Variants in DAB1 observed in about 807,000 individuals in gnomAD.
DAB1 encodes DAB adaptor protein 1.
Under a neutral mutation model 64.6 loss-of-function variants are expected in DAB1, and 15 were observed. The ratio of observed to expected loss-of-function variants is 0.23; its 90% CI spans 0.16 to 0.36. The LOEUF (loss-of-function observed/expected upper bound fraction) is 0.36. DAB1 is among the 10% of genes least tolerant of loss of function. DAB1 has a pLI of 1.00. For missense variants in DAB1, 596 were observed against 706.7 expected, an observed-to-expected ratio of 0.84 and a Z score of 1.78; for synonymous variants, 235 against 251.9, an observed-to-expected ratio of 0.93 and a Z score of 0.64.
intron 1 of DAB1, among the ~76,000 whole-genome samples, chr1:57,828,442 G>A (rs560612147): frequency 6.6e-6 from 1 of 152,176 alleles, no homozygotes; most frequent in Admixed American, 6.5e-5. Flanking sequence ...AGTAATCTTG[G>A]GGACTGAGAG....
intron 7 of DAB1, among the ~76,000 whole-genome samples, chr1:57,593,709 A>G (rs1222977895): frequency 2.0e-5 from 3 of 152,230 alleles, no homozygotes; most frequent in African/African-American, 7.2e-5. Context: ...TGAAGGCCCA[A>G]ATGACATCAT....
chr1:58,444,072 T>C (rs706443), intron 3 of DAB1, among the ~76,000 whole-genome samples: 77,729 of 152,022 alleles, frequency 0.51, 20,149 homozygotes, highest in South Asian at 0.71. Context: ...ATTACTCTCA[T>C]TCTCCTGTCT....
At chr1:57,452,418 G>A (rs1298876616) in intron 7 of DAB1, among the ~76,000 whole-genome samples, 2 of 152,062 alleles carry the variant, frequency 1.3e-5, no homozygotes, top group Non-Finnish European at 2.9e-5. Flanking sequence ...AAAGCAGCAT[G>A]ACCAGGACAT....
intron 5 of DAB1, among the ~76,000 whole-genome samples, chr1:58,001,936 A>C (rs532251913): frequency 6.6e-6 from 1 of 152,284 alleles, no homozygotes; most frequent in African/African-American, 2.4e-5. Flanking sequence ...AGAAAGGAAA[A>C]GGTGGTATAA....
rs144305077 is a variant in DAB1, at chr1:58,032,771, T to C, written n.387+117740A>G. On this transcript the variant is annotated intron_variant and non_coding_transcript_variant, in intron 5 of 20. Coordinates refer to the DAB1 transcript ENST00000485760. ...TAAAAAGTTATCTTTGTGTCCACACTACCTTCAGGGTGAAATCCAAGCTCT... is the reference window on the plus strand; with the variant it reads ...TAAAAAGTTATCTTTGTGTCCACACCACCTTCAGGGTGAAATCCAAGCTCT... Among the ~76,000 whole-genome samples, 126 of 152,336 alleles carry C rather than the reference T, an allele frequency of 8.3e-4. 1 individual carries two copies. The highest frequency in any genetic ancestry group is 2.6e-3 in the African/African-American group (109 of 41,592).
chr1:58,214,430 A>G (rs977541896), intron 4 of DAB1, among the ~76,000 whole-genome samples: 2 of 152,198 alleles, frequency 1.3e-5, no homozygotes, highest in African/African-American at 4.8e-5. Context: ...GACAAAGGAG[A>G]TTCAAAAAGA....
chr1:57,054,570 C>T lies in DAB1; in HGVS notation c.723+8314G>A, dbSNP rs1021803096. Among the ~76,000 whole-genome samples, 21 of 150,956 alleles carry T rather than the reference C, an allele frequency of 1.4e-4. No individual in the cohort carries two copies. In the East Asian group the frequency reaches 2.2e-3, roughly 16 times the overall value. ...TCCGCTCGCTGCAAGCTCCACCTCC[C>T]GGGTTCACGCCATTCTCCTGCCTCA... On this transcript the variant is annotated intron_variant, in intron 9 of 14. Transcript: ENST00000371236.
chr1:57,513,761 A>G (rs998822086), intron 7 of DAB1, among the ~76,000 whole-genome samples: 1 of 152,208 alleles, frequency 6.6e-6, no homozygotes, highest in Non-Finnish European at 1.5e-5. Context: ...TACAGCTACC[A>G]TATTGTGCAG....
intron 2 of DAB1, among the ~76,000 whole-genome samples, chr1:58,513,174 CTGAG>C (rs1212238954): frequency 6.6e-6 from 1 of 152,118 alleles, no homozygotes; most frequent in Non-Finnish European, 1.5e-5. Flanking sequence ...TCTCGTGATA[CTGAG>C]TGAGTTCTCA....
intron 3 of DAB1, among the ~76,000 whole-genome samples, chr1:58,436,565 C>T (rs1437145683): frequency 6.6e-6 from 1 of 152,154 alleles, no homozygotes; most frequent in Non-Finnish European, 1.5e-5. Context: ...TTAATGGTCT[C>T]CCCTTGGCAA....
intron 5 of DAB1, among the ~76,000 whole-genome samples, chr1:58,128,246 T>G (rs2100688540): frequency 6.6e-6 from 1 of 151,688 alleles, no homozygotes; most frequent in East Asian, 1.9e-4. Flanking sequence ...TCACTCATGA[T>G]TTGGCTCTCT....
intron 6 of DAB1, among the ~76,000 whole-genome samples, chr1:57,686,013 G>C (rs945200639): frequency 6.6e-6 from 1 of 151,666 alleles, no homozygotes; most frequent in Non-Finnish European, 1.5e-5. Flanking sequence ...AGAAAAAAAA[G>C]AACCAACCAA....
In DAB1 at chr1:57,088,419, C is replaced by T. The variant is rs1001292033; in HGVS notation, c.307-16005G>A. Among the ~76,000 whole-genome samples the T allele has an allele frequency of 2.3e-4, 35 of 152,318 alleles. 1 individual carries two copies. The highest frequency in any genetic ancestry group is 8.4e-4 in the African/African-American group (35 of 41,568). ...GATCAAAGCCACGTCCCTAGGATGG[C>T]CCTAGTCTCCCTTAAAGTGCCTGCC... On this transcript the variant is annotated intron_variant, in intron 4 of 14. Coordinates refer to ENST00000371236, the MANE Select transcript of DAB1 (RefSeq NM_001365792.1).
At chr1:58,401,686 G>T (rs534805946) in intron 3 of DAB1, among the ~76,000 whole-genome samples, 8 of 152,312 alleles carry the variant, frequency 5.3e-5, no homozygotes, top group African/African-American at 1.7e-4. Context: ...CTTGATGAAG[G>T]TTGATTGAAT....
intron 6 of DAB1, among the ~76,000 whole-genome samples, chr1:57,723,227 G>A (rs1647172234): frequency 6.6e-6 from 1 of 152,068 alleles, no homozygotes; most frequent in Non-Finnish European, 1.5e-5. Flanking sequence ...TGTGACCACG[G>A]GCAAGTTTCT....
At chr1:58,061,844 G>T (rs561437579) in intron 5 of DAB1, among the ~76,000 whole-genome samples, 6 of 152,280 alleles carry the variant, frequency 3.9e-5, no homozygotes, top group African/African-American at 1.2e-4. Flanking sequence ...ACCTGACAAA[G>T]AGCAGGTATC....
intron 4 of DAB1, among the ~76,000 whole-genome samples, chr1:58,219,700 C>A (rs1659054564): frequency 6.6e-6 from 1 of 152,220 alleles, no homozygotes; most frequent in Admixed American, 6.5e-5. Context: ...CCTCCCTGTA[C>A]ATGCACCTGC....
intron 12 of DAB1, among the ~76,000 whole-genome samples, chr1:57,013,232 A>G (rs1001091299): frequency 2.6e-5 from 4 of 152,192 alleles, no homozygotes; most frequent in African/African-American, 7.2e-5. Flanking sequence ...TTCATTCTCT[A>G]TAACCTTTCC....
intron 4 of DAB1, among the ~76,000 whole-genome samples, chr1:58,256,020 A>G (rs1399643460): frequency 6.6e-6 from 1 of 152,056 alleles, no homozygotes; most frequent in African/African-American, 2.4e-5. Flanking sequence ...TTTCCATTGC[A>G]TTTTCTGCAG....
Sources: gnomAD v4.1 joint callset for allele counts (sites outside exome capture counted in the v4.1 genomes callset) on GRCh38, gnomAD v4.1.1 for gene constraint, MANE v1.5 for transcripts, NCBI Gene and HGNC (gene_info 2026-07-23, HGNC 2026-07-21) for gene names.